The following NXT1 variants were observed in gnomAD, a reference collection of about 807,000 sequenced individuals.
NXT1 encodes the protein NTF2-related export protein 1.
In NXT1, 3 loss-of-function variants were observed where a neutral mutation model predicts 9.9. The ratio of observed to expected loss-of-function variants is 0.30; its 90% CI spans 0.14 to 0.79. NXT1 has a LOEUF of 0.79. Ranked by LOEUF, NXT1 falls within the 30% of genes least tolerant of loss-of-function variation. The pLI is 0.63. For synonymous variants in NXT1, 53 were observed against 66.5 expected, an observed-to-expected ratio of 0.80 and a Z score of 0.99; for missense variants, 91 against 178.2, an observed-to-expected ratio of 0.51 and a Z score of 2.79.
chr20:23,350,942 C>G lies in NXT1; in HGVS notation c.-181C>G, dbSNP rs1393417508. ...GCTCTTCCCGTGCCCCTACCAGAGG[C>G]TTCGGTGGGCCCACCTTGTGACCTC... is the stretch of plus-strand genomic sequence containing the variant. On this transcript the variant is annotated 5_prime_UTR_variant, in exon 1 of 2. Coordinates refer to ENST00000254998, the MANE Select transcript of NXT1 (RefSeq NM_013248.3). The G allele has an allele frequency of 6.6e-6, 1 of 152,192 alleles. No homozygotes were observed. The highest frequency in any genetic ancestry group is 2.4e-5 in the African/African-American group (1 of 41,454). The allele number at this position is 152,192 out of a possible 1,614,324, so 9.4% of individuals were successfully genotyped here.
chr20:23,351,485 C>G (rs975235674), intron 1 of NXT1: 3 of 152,242 alleles, frequency 2.0e-5, no homozygotes, highest in African/African-American at 7.2e-5. Context: ...GCGGGACTGA[C>G]GACCTCATAG....
rs747973657 is a variant in NXT1 at position 23,354,359 on chromosome 20, A to G, written c.318A>G (p.Gln106=). Residue 106 remains glutamine, a synonymous_variant, in exon 2 of 2, where the codon CAA becomes CAG. Coordinates refer to ENST00000254998, the MANE Select transcript of NXT1 (RefSeq NM_013248.3). ...CAGTGAAGTTTGAGGGGAACAAACA[A>G]CGGGACTTCAACCAGAACTTCATCC... The part of the protein sequence containing the change: ...CGSVKFEGNK[Q]RDFNQNFILT... 5.6e-6 allele frequency: 9 copies of G among 1,614,200 alleles called. No homozygotes were observed. The highest frequency in any genetic ancestry group is 7.6e-6 in the Non-Finnish European group (9 of 1,180,040).
At chr20:23,353,436 A>G (rs574458609) in intron 1 of NXT1, among the ~76,000 whole-genome samples, 1 of 152,334 alleles carries the variant, frequency 6.6e-6, no homozygotes, top group East Asian at 1.9e-4. Flanking sequence ...ACTGGCCAAC[A>G]TGGCGAAACC....
chr20:23,351,609 A>G (rs1980270036), intron 1 of NXT1: 1 of 152,148 alleles, frequency 6.6e-6, no homozygotes, highest in Non-Finnish European at 1.5e-5. Flanking sequence ...CATTTCTGAG[A>G]TGATGGGGGG....
At chr20:23,353,858 A>G (rs1226816248) in intron 1 of NXT1, 123 bp from the exon 2 acceptor site, 13 of 625,440 alleles carry the variant, frequency 2.1e-5, no homozygotes, top group Non-Finnish European at 1.4e-5. Context: ...ATTTGAGCCT[A>G]CAGTCATTGT....
intron 1 of NXT1, 168 bp downstream of exon 1, chr20:23,351,229 A>G (rs1980254311): frequency 6.6e-6 from 1 of 152,352 alleles, no homozygotes; most frequent in African/African-American, 2.4e-5. Context: ...GCGAATTCTC[A>G]TCAACGAGGG....
rs749366401 is a variant in NXT1, at chr20:23,354,492, A to C, written c.*28A>C. ...GGGGTGGCAGAGGTCTCTTTGCTTC[A>C]TTCAGCCCTAGCTCTGTAGAGAAAT... is the stretch of plus-strand genomic sequence containing the variant. On this transcript the variant is annotated 3_prime_UTR_variant, in exon 2 of 2. Coordinates refer to ENST00000254998, the MANE Select transcript of NXT1 (RefSeq NM_013248.3). The C allele has an allele frequency of 2.5e-6, 4 of 1,597,528 alleles. No homozygotes were observed. Among genetic ancestry groups the C allele is most frequent in the Non-Finnish European group, 2.6e-6 (3 of 1,171,520 alleles).
At position 23,354,552 on chromosome 20, in the gene NXT1, A is replaced by G. The variant is rs1980355519; in HGVS notation, c.*88A>G. ...GACTCTCAAGGATGTGAGGAACACA[A>G]GTTCATTTCTGTTGTTGCGGAGACA... On this transcript the variant is annotated 3_prime_UTR_variant, in exon 2 of 2. Coordinates refer to ENST00000254998, the MANE Select transcript of NXT1 (RefSeq NM_013248.3). The G allele has an allele frequency of 7.0e-7, 1 of 1,432,334 alleles. No individual in the cohort carries two copies. Among genetic ancestry groups the G allele is most frequent in the African/African-American group, 1.4e-5 (1 of 70,270 alleles). 88.7% of individuals were successfully genotyped at this position (1,432,334 alleles called of 1,614,324 possible).
rs1454291149 is a variant in NXT1 at position 23,354,036 on chromosome 20, C to T, written c.-6C>T. ...CTGGTGGAGCCCTCCTTCCATAGAA[C>T]CAGAGATGGCATCTGTGGATTTCAA... On this transcript the variant is annotated 5_prime_UTR_variant, in exon 2 of 2. Coordinates refer to ENST00000254998, the MANE Select transcript of NXT1 (RefSeq NM_013248.3). 5.6e-6 allele frequency: 9 copies of T among 1,607,782 alleles called. No homozygotes were observed. Among genetic ancestry groups the T allele is most frequent in the Non-Finnish European group, 6.0e-6 (7 of 1,174,922 alleles).
chr20:23,352,575 A>ACTATTTTAGTAATGTCCT (rs1011545844), intron 1 of NXT1, among the ~76,000 whole-genome samples: 1 of 152,110 alleles, frequency 6.6e-6, no homozygotes, highest in Non-Finnish European at 1.5e-5. Flanking sequence ...GTAAGTATAA[A>ACTATTTTAGTAATGTCCT]CTATTTTAGT....
intron 1 of NXT1, chr20:23,351,511 A>G (rs973330459): frequency 1.1e-4 from 17 of 152,204 alleles, no homozygotes; most frequent in Admixed American, 3.3e-4. Flanking sequence ...TGAAAACCGT[A>G]AGTGGAGATG....
At chr20:23,352,602 G>C (rs1980302833) in intron 1 of NXT1, among the ~76,000 whole-genome samples, 4 of 150,858 alleles carry the variant, frequency 2.7e-5, no homozygotes, top group Admixed American at 6.6e-5. Context: ...CTCTATTTTA[G>C]TAATGTCCTC....
chr20:23,354,106 A>G lies in NXT1; in HGVS notation c.65A>G (p.Asn22Ser), dbSNP rs149042553. 5.6e-6 allele frequency: 9 copies of G among 1,614,008 alleles called. No individual in the cohort carries two copies. Among genetic ancestry groups the G allele is most frequent in the South Asian group, 1.1e-5 (1 of 91,090 alleles). The change falls in exon 2 of 2, where the codon AAT becomes AGT. Residue 22 changes from asparagine to serine, a missense_variant. Asn to Ser is a conservative substitution (Grantham distance 46). Transcript: ENST00000254998. ...QACRAAEEFV[N>S]VYYTTMDKRR... ...TGCAGAGCTGCTGAGGAGTTTGTCAATGTCTACTACACCACCATGGATAAG... is the reference window on the plus strand; with the variant it reads ...TGCAGAGCTGCTGAGGAGTTTGTCAGTGTCTACTACACCACCATGGATAAG...
chr20:23,354,440 C>A lies in NXT1; in HGVS notation c.399C>A (p.Phe133Leu), dbSNP rs1301918838. Residue 133 changes from phenylalanine (F) to leucine (L), a missense_variant, in exon 2 of 2, where the codon TTC becomes TTA. Physicochemically the swap from Phe to Leu is conservative, Grantham distance 22. Coordinates refer to ENST00000254998, the MANE Select transcript of NXT1 (RefSeq NM_013248.3). ...NTVWKIASDC[F>L]RFQDWAS ...TGTGGAAGATCGCAAGTGACTGCTT[C>A]CGCTTCCAGGACTGGGCCAGCTAGT... is the stretch of plus-strand genomic sequence containing the variant. The A allele has an allele frequency of 6.2e-7, 1 of 1,613,728 alleles. No individual in the cohort carries two copies. The highest frequency in any genetic ancestry group is 8.5e-7 in the Non-Finnish European group (1 of 1,179,854).
chr20:23,354,696 T>C lies in NXT1; in HGVS notation c.*232T>C. On this transcript the variant is annotated 3_prime_UTR_variant, in exon 2 of 2. Coordinates refer to ENST00000254998, the MANE Select transcript of NXT1 (RefSeq NM_013248.3). ...CTTTTCAAAGTAGTAAACTTTTCTATTTTTCTACTTGCCCAGTAGAGACTC... is the reference window on the plus strand; with the variant it reads ...CTTTTCAAAGTAGTAAACTTTTCTACTTTTCTACTTGCCCAGTAGAGACTC... The C allele has an allele frequency of 1.9e-6, 1 of 530,792 alleles. No homozygotes were observed. Among genetic ancestry groups the C allele is most frequent in the South Asian group, 2.9e-5 (1 of 34,550 alleles). 32.9% of individuals were successfully genotyped at this position (530,792 alleles called of 1,614,324 possible).
intron 1 of NXT1, among the ~76,000 whole-genome samples, chr20:23,351,805 C>T (rs989826654): frequency 6.6e-6 from 1 of 152,208 alleles, no homozygotes; most frequent in Non-Finnish European, 1.5e-5. Context: ...GTCTTGTAAA[C>T]GATAGATCAG....
At chr20:23,352,959 A>T (rs1980314962) in intron 1 of NXT1, among the ~76,000 whole-genome samples, 1 of 152,022 alleles carries the variant, frequency 6.6e-6, no homozygotes, top group Non-Finnish European at 1.5e-5. Flanking sequence ...TCCTCATGTC[A>T]TTTGTGTTTC....
intron 1 of NXT1, among the ~76,000 whole-genome samples, chr20:23,353,462 A>G (rs1453961235): frequency 6.6e-6 from 1 of 152,226 alleles, no homozygotes; most frequent in African/African-American, 2.4e-5. Flanking sequence ...TCTATTAAAA[A>G]TACAAAAGTT....
Position 23,354,062 on chromosome 20 carries a change from G to C in NXT1, c.21G>C (p.Lys7Asn). 1 of 1,613,092 alleles carries C rather than the reference G, an allele frequency of 6.2e-7. No homozygotes were observed. The highest frequency in any genetic ancestry group is 8.5e-7 in the Non-Finnish European group (1 of 1,179,166). The change falls in exon 2 of 2, where the codon AAG becomes AAC. Residue 7 changes from lysine (K) to asparagine (N), a missense_variant. Transcript: ENST00000254998. ...CAGAGATGGCATCTGTGGATTTCAA[G>C]ACCTATGTGGATCAGGCCTGCAGAG... MASVDF[K>N]TYVDQACRAA...
Sources: gnomAD v4.1 joint callset for allele counts (sites outside exome capture counted in the v4.1 genomes callset) on GRCh38, gnomAD v4.1.1 for gene constraint, MANE v1.5 for transcripts, NCBI Gene and HGNC (gene_info 2026-07-23, HGNC 2026-07-21) for gene names.